GALNT17: variants seen among roughly 807,000 people sequenced by gnomAD.
GALNT17 encodes polypeptide N-acetylgalactosaminyltransferase 17.
A neutral mutation model predicts 63.7 loss-of-function variants in GALNT17; 29 were observed. That is an observed-to-expected ratio of 0.46 (90% CI 0.34 to 0.62). The LOEUF (loss-of-function observed/expected upper bound fraction) is 0.62. GALNT17 is among the 20% of genes least tolerant of loss of function. The pLI is 0.01. For missense variants in GALNT17, 603 were observed against 799.6 expected (o/e 0.75, Z 2.97); for synonymous variants, 305 against 318.3 (o/e 0.96, Z 0.45).
At chr7:71,449,173 C>T (rs1038808178) in intron 5 of GALNT17, among the ~76,000 whole-genome samples, 10 of 121,254 alleles carry the variant, frequency 8.2e-5, no homozygotes, top group East Asian at 2.9e-4. Context: ...AGTGCAGTGG[C>T]GCGATCTTGG....
At chr7:71,571,438 CAT>C in intron 6 of GALNT17, 36 bp downstream of exon 6, 1 of 1,566,376 alleles carries the variant, frequency 6.4e-7, no homozygotes, top group Non-Finnish European at 8.8e-7. Context: ...TTGGTGTGCC[CAT>C]GTTTGTGAGC....
chr7:71,579,303 C>A (rs1789588943), intron 6 of GALNT17, among the ~76,000 whole-genome samples: 1 of 152,210 alleles, frequency 6.6e-6, no homozygotes, highest in Non-Finnish European at 1.5e-5. Context: ...CAACTGAATA[C>A]TTCTGATTAA....
chr7:71,420,897 CTA>C lies in GALNT17; in HGVS notation c.765-9_765-8del, dbSNP rs1554368673. ...GAAGAGAGGTTTCATGTCTATTTCTCTATGTTTCAGGGCTGAGCCGGTTCTAT... is the reference window on the plus strand; with the variant it reads ...GAAGAGAGGTTTCATGTCTATTTCTCTGTTTCAGGGCTGAGCCGGTTCTAT... On this transcript the variant is annotated splice_polypyrimidine_tract_variant and intron_variant, in intron 4 of 10. Transcript: ENST00000333538. 2 of 1,613,696 alleles carry C rather than the reference CTA, an allele frequency of 1.2e-6. No individual in the cohort carries two copies. Among genetic ancestry groups the C allele is most frequent in the Non-Finnish European group, 1.7e-6 (2 of 1,179,922 alleles).
At chr7:71,649,208 G>C (rs948259424) in intron 6 of GALNT17, among the ~76,000 whole-genome samples, 2 of 152,180 alleles carry the variant, frequency 1.3e-5, no homozygotes, top group African/African-American at 4.8e-5. Flanking sequence ...TCCTGGCCCA[G>C]ATCTCATGTT....
At chr7:71,287,107 T>C (rs996282405) in intron 1 of GALNT17, among the ~76,000 whole-genome samples, 2 of 152,116 alleles carry the variant, frequency 1.3e-5, no homozygotes, top group African/African-American at 4.8e-5. Context: ...TTTTGTTTTT[T>C]GAGACAAGGT....
chr7:71,437,108 G>C (rs1381171466), intron 5 of GALNT17, among the ~76,000 whole-genome samples: 3 of 152,170 alleles, frequency 2.0e-5, no homozygotes, highest in African/African-American at 7.2e-5. Flanking sequence ...TACCGTTGCT[G>C]ACCCCCCTGA....
intron 1 of GALNT17, among the ~76,000 whole-genome samples, chr7:71,145,097 A>G (rs910287643): frequency 1.2e-4 from 19 of 152,144 alleles, no homozygotes; most frequent in African/African-American, 4.6e-4. Flanking sequence ...ATTGGTCAGC[A>G]TAAGAGGGAT....
At chr7:71,659,899 C>G (rs751837886) in intron 6 of GALNT17, among the ~76,000 whole-genome samples, 13 of 152,328 alleles carry the variant, frequency 8.5e-5, no homozygotes, top group Middle Eastern at 3.4e-3. Flanking sequence ...CCTTAGTATC[C>G]TTTCCTGGGG....
intron 1 of GALNT17, among the ~76,000 whole-genome samples, chr7:71,187,351 G>A (rs1351344993): frequency 6.7e-6 from 1 of 150,358 alleles, no homozygotes; most frequent in African/African-American, 2.5e-5. Context: ...CAAATTCCTG[G>A]CCTCAAGCGA....
intron 5 of GALNT17, among the ~76,000 whole-genome samples, chr7:71,476,407 C>T (rs1046061629): frequency 7.2e-5 from 11 of 151,804 alleles, no homozygotes; most frequent in East Asian, 1.9e-4. Context: ...ACGAATATCC[C>T]GGAGAGCGTG....
chr7:71,630,969 A>G (rs539485252), intron 6 of GALNT17, among the ~76,000 whole-genome samples: 4 of 152,336 alleles, frequency 2.6e-5, no homozygotes, highest in East Asian at 1.9e-4. Context: ...CAGTTGTTCA[A>G]TGAGCACTTA....
intron 9 of GALNT17, among the ~76,000 whole-genome samples, chr7:71,699,314 C>T (rs889058994): frequency 6.6e-6 from 1 of 151,380 alleles, no homozygotes; most frequent in African/African-American, 2.4e-5. Context: ...CCCGTCTCTA[C>T]TACAAGTACA....
intron 6 of GALNT17, among the ~76,000 whole-genome samples, chr7:71,626,731 G>A (rs866924672): frequency 1.1e-4 from 16 of 152,172 alleles, no homozygotes; most frequent in African/African-American, 3.6e-4. Context: ...GGCATCTTCA[G>A]GGTAGAACTA....
rs1246321851 is a variant in GALNT17 at position 71,162,107 on chromosome 7, TCCTC to T, written c.238+29083_238+29086del. The stretch of plus-strand genomic sequence containing the variant: ...TTCCTTCCTCCCTCCCTCCCTTCCT[TCCTC>T]CCTCCCTCCCTCCCTTCCTTCCTTC... On this transcript the variant is annotated intron_variant, in intron 1 of 10. Transcript: ENST00000333538. 8.5e-3 allele frequency among the ~76,000 whole-genome samples: 621 copies of T among 73,358 alleles called. 17 individuals carry two copies. Among genetic ancestry groups the T allele is most frequent in the Non-Finnish European group, 9.8e-3 (404 of 41,422 alleles). 48.1% of individuals were successfully genotyped at this position (73,358 alleles called of 152,430 possible). A position where few individuals can be genotyped will look rare whatever the true frequency, so the allele number is the denominator to read the frequency against.
At chr7:71,412,474 C>G (rs879608823) in intron 3 of GALNT17, among the ~76,000 whole-genome samples, 1 of 152,006 alleles carries the variant, frequency 6.6e-6, no homozygotes, top group Non-Finnish European at 1.5e-5. Context: ...CAGGATCATG[C>G]GATTCTCCTG....
chr7:71,481,899 T>C (rs1288689149), intron 5 of GALNT17, among the ~76,000 whole-genome samples: 1 of 152,138 alleles, frequency 6.6e-6, no homozygotes, highest in East Asian at 1.9e-4. Flanking sequence ...TCATTTCCCC[T>C]TCCTGGCTGT....
intron 1 of GALNT17, among the ~76,000 whole-genome samples, chr7:71,332,249 A>G (rs1032884975): frequency 1.3e-5 from 2 of 152,048 alleles, no homozygotes; most frequent in African/African-American, 2.4e-5. Context: ...TTCTGAGCAT[A>G]TCCATCTTCT....
intron 1 of GALNT17, among the ~76,000 whole-genome samples, chr7:71,228,432 C>A (rs930833005): frequency 6.6e-6 from 1 of 152,186 alleles, no homozygotes; most frequent in South Asian, 2.1e-4. Flanking sequence ...GCCCTTGTAA[C>A]AAATTGCCAC....
At chr7:71,514,748 A>G (rs918127215) in intron 5 of GALNT17, among the ~76,000 whole-genome samples, 3 of 152,170 alleles carry the variant, frequency 2.0e-5, no homozygotes, top group African/African-American at 7.2e-5. Context: ...GCAGTTGCCA[A>G]AATTACTGTC....
Sources: gnomAD v4.1 joint callset for allele counts (sites outside exome capture counted in the v4.1 genomes callset) on GRCh38, gnomAD v4.1.1 for gene constraint, MANE v1.5 for transcripts, NCBI Gene and HGNC (gene_info 2026-07-23, HGNC 2026-07-21) for gene names.